DSCAM: variants seen among roughly 807,000 people sequenced by gnomAD.
DSCAM encodes the protein DS cell adhesion molecule.
A neutral mutation model predicts 217.7 loss-of-function variants in DSCAM; 47 were observed. That is an observed-to-expected ratio of 0.22 (90% CI 0.17 to 0.28). The LOEUF (loss-of-function observed/expected upper bound fraction) is 0.28. Among genes scored for constraint, DSCAM ranks in the 10% least tolerant of loss-of-function variants. The probability of loss-of-function intolerance (pLI) is 1.00; values close to 1 mark genes in which losing one functional copy is unlikely to be tolerated. For missense variants in DSCAM, 2,080 were observed against 2,618.3 expected (o/e 0.79, Z 4.49); for synonymous variants, 1,056 against 1,015.3 (o/e 1.04, Z -0.76).
chr21:40,457,470 C>T (rs1047396331), intron 3 of DSCAM, among the ~76,000 whole-genome samples: 1 of 151,982 alleles, frequency 6.6e-6, no homozygotes, highest in Non-Finnish European at 1.5e-5. Flanking sequence ...CACAGTTGCA[C>T]CACGGCACCC....
chr21:40,445,829 G>T (rs1020379806), intron 3 of DSCAM, among the ~76,000 whole-genome samples: 4 of 152,164 alleles, frequency 2.6e-5, no homozygotes, highest in African/African-American at 9.7e-5. Flanking sequence ...TGAAAGAGAA[G>T]CATATTCTTG....
At chr21:40,679,439 C>G (rs1421760947) in intron 3 of DSCAM, among the ~76,000 whole-genome samples, 1 of 152,172 alleles carries the variant, frequency 6.6e-6, no homozygotes, top group Non-Finnish European at 1.5e-5. Flanking sequence ...GACCTTGGGT[C>G]ACTTACTGAA....
intron 11 of DSCAM, among the ~76,000 whole-genome samples, chr21:40,198,804 T>G (rs2091041766): frequency 1.3e-5 from 2 of 152,204 alleles, no homozygotes; most frequent in Admixed American, 1.3e-4. Context: ...CTGTTCATGC[T>G]CCATTGTCAC....
At chr21:40,177,883 C>T (rs8130707) in intron 15 of DSCAM, among the ~76,000 whole-genome samples, 2,677 of 152,228 alleles carry the variant, frequency 0.018, 79 homozygotes, top group African/African-American at 0.06. Context: ...AACAAACCTC[C>T]GGTCTTCTGT....
chr21:40,746,603 C>T (rs1308422533), intron 1 of DSCAM, among the ~76,000 whole-genome samples: 1 of 151,818 alleles, frequency 6.6e-6, no homozygotes, highest in African/African-American at 2.4e-5. Context: ...TGTAGATTGA[C>T]TATAATACAA....
intron 3 of DSCAM, among the ~76,000 whole-genome samples, chr21:40,438,993 T>C (rs545543880): frequency 1.3e-5 from 2 of 152,300 alleles, no homozygotes; most frequent in African/African-American, 4.8e-5. Context: ...CAGATGAAAG[T>C]GAGGTATCAT....
intron 2 of DSCAM, among the ~76,000 whole-genome samples, chr21:40,695,923 TG>T (rs1457148551): frequency 1.3e-5 from 2 of 152,170 alleles, no homozygotes; most frequent in Non-Finnish European, 2.9e-5. Context: ...ACACCAACAT[TG>T]CTGTCTATGG....
At chr21:40,221,633 A>G (rs1212571807) in intron 11 of DSCAM, among the ~76,000 whole-genome samples, 1 of 152,142 alleles carries the variant, frequency 6.6e-6, no homozygotes, top group African/African-American at 2.4e-5. Flanking sequence ...ACACTAAAAA[A>G]TTATTTGCCT....
intron 1 of DSCAM, among the ~76,000 whole-genome samples, chr21:40,805,998 G>A (rs1331399960): frequency 1.3e-5 from 2 of 152,036 alleles, no homozygotes; most frequent in African/African-American, 2.4e-5. Context: ...ATGAGCCACC[G>A]CACCTGGCCT....
chr21:40,497,035 ATTG>A (rs2076124329), intron 3 of DSCAM, among the ~76,000 whole-genome samples: 1 of 152,170 alleles, frequency 6.6e-6, no homozygotes, highest in Non-Finnish European at 1.5e-5. Flanking sequence ...CTAGTACTCT[ATTG>A]GTGGAAATTT....
At chr21:40,349,142 A>AAAAAAAAAAAAAAAAAAAAAAAAC (rs2074601056) in intron 5 of DSCAM, among the ~76,000 whole-genome samples, 1 of 144,342 alleles carries the variant, frequency 6.9e-6, no homozygotes, top group African/African-American at 2.5e-5. Flanking sequence ...ATCTCAAAAA[A>AAAAAAAAAAAAAAAAAAAAAAAAC]AAAAAAAAAA....
chr21:40,581,988 T>C (rs887233772), intron 3 of DSCAM, among the ~76,000 whole-genome samples: 4 of 152,198 alleles, frequency 2.6e-5, no homozygotes, highest in Non-Finnish European at 5.9e-5. Context: ...CCAGATCCCA[T>C]ATGCTAGGGA....
intron 4 of DSCAM, among the ~76,000 whole-genome samples, chr21:40,364,037 G>A (rs892580116): frequency 6.6e-6 from 1 of 152,202 alleles, no homozygotes; most frequent in Non-Finnish European, 1.5e-5. Flanking sequence ...AACAGGTGCT[G>A]GAGAGGATGT....
intron 2 of DSCAM, among the ~76,000 whole-genome samples, chr21:40,696,796 A>G (rs1328603350): frequency 1.3e-5 from 2 of 152,172 alleles, no homozygotes; most frequent in East Asian, 3.8e-4. Flanking sequence ...TTGTGATATA[A>G]GAGTTGTACA....
chr21:40,646,787 T>C lies in DSCAM; in HGVS notation c.508+46023A>G, dbSNP rs772086305. ...ACACTCTCGACTCTTGTTTCCAATC[T>C]CTTCCAGGCCCTCCAGGGGCCCTGG... On this transcript the variant is annotated intron_variant, in intron 3 of 32. Transcript: ENST00000400454. Among the ~76,000 whole-genome samples the C allele has an allele frequency of 2.6e-4, 40 of 152,160 alleles. 1 individual carries two copies. Among genetic ancestry groups the C allele is most frequent in the Non-Finnish European group, 4.4e-5 (3 of 68,032 alleles).
At chr21:40,196,137 C>G (rs747626736) in intron 11 of DSCAM, among the ~76,000 whole-genome samples, 1 of 152,192 alleles carries the variant, frequency 6.6e-6, no homozygotes, top group African/African-American at 2.4e-5. Flanking sequence ...GGTAAAGGAA[C>G]TGCCGCACCC....
At chr21:40,364,694 A>C (rs944661993) in intron 4 of DSCAM, among the ~76,000 whole-genome samples, 2 of 147,046 alleles carry the variant, frequency 1.4e-5, no homozygotes, top group African/African-American at 5.0e-5. Context: ...AAAAGTGTAT[A>C]TATATATATA....
intron 3 of DSCAM, among the ~76,000 whole-genome samples, chr21:40,473,139 T>C (rs980851360): frequency 6.6e-6 from 1 of 152,224 alleles, no homozygotes; most frequent in Non-Finnish European, 1.5e-5. Context: ...TCAGTTTACC[T>C]GCAAGCAAGA....
intron 1 of DSCAM, among the ~76,000 whole-genome samples, chr21:40,794,113 G>C (rs1281936772): frequency 6.6e-6 from 1 of 152,022 alleles, no homozygotes; most frequent in Non-Finnish European, 1.5e-5. Context: ...CTTTTTAATA[G>C]AGCTCATACT....
Sources: gnomAD v4.1 joint callset for allele counts (sites outside exome capture counted in the v4.1 genomes callset) on GRCh38, gnomAD v4.1.1 for gene constraint, MANE v1.5 for transcripts, NCBI Gene and HGNC (gene_info 2026-07-23, HGNC 2026-07-21) for gene names.